The following ACSBG2 variants were observed in gnomAD, a reference collection of about 807,000 sequenced individuals.
ACSBG2 encodes the protein acyl-CoA synthetase bubblegum family member 2.
In ACSBG2, 62 loss-of-function variants were observed where a neutral mutation model predicts 74.7. That is an observed-to-expected ratio of 0.83 (90% CI 0.68 to 1.03). The LOEUF (loss-of-function observed/expected upper bound fraction) is 1.03, where lower values mean the gene tolerates loss of function less well. Among genes scored for constraint, ACSBG2 ranks in the 50% least tolerant of loss-of-function variants. The pLI is 0.00. For synonymous variants in ACSBG2, 309 were observed against 294.1 expected, an observed-to-expected ratio of 1.05 and a Z score of -0.52; for missense variants, 730 against 817.6, an observed-to-expected ratio of 0.89 and a Z score of 1.31.
intron 5 of ACSBG2, among the ~76,000 whole-genome samples, chr19:6,158,086 C>CAA (rs2089483914): frequency 6.7e-6 from 1 of 148,298 alleles, no homozygotes; most frequent in Non-Finnish European, 1.5e-5. Context: ...GACAGAGTCT[C>CAA]GCTCTGTCGC....
intron 8 of ACSBG2, 101 bp from the exon 9 acceptor site, chr19:6,182,650 A>G: frequency 8.6e-7 from 1 of 1,160,094 alleles, no homozygotes; most frequent in Non-Finnish European, 1.2e-6. Context: ...CTGATCAGTG[A>G]AGGAATGTTC....
At chr19:6,191,900 A>C (rs1210840911) in intron 14 of ACSBG2, 1 of 152,038 alleles carries the variant, frequency 6.6e-6, no homozygotes. Flanking sequence ...CAAGATTTCC[A>C]ATTTCACTTT....
intron 7 of ACSBG2, among the ~76,000 whole-genome samples, chr19:6,173,192 C>T (rs902666712): frequency 7.2e-5 from 11 of 152,134 alleles, no homozygotes; most frequent in African/African-American, 1.2e-4. Flanking sequence ...AGGGATCCTG[C>T]GGCCCCCCAG....
intron 6 of ACSBG2, among the ~76,000 whole-genome samples, chr19:6,162,063 C>T (rs1390252652): frequency 6.6e-6 from 1 of 152,016 alleles, no homozygotes; most frequent in Non-Finnish European, 1.5e-5. Context: ...CTCAGGAGAT[C>T]GAGACCATCC....
chr19:6,169,623 T>C (rs558272768), intron 7 of ACSBG2, among the ~76,000 whole-genome samples: 4 of 152,324 alleles, frequency 2.6e-5, no homozygotes, highest in African/African-American at 9.6e-5. Flanking sequence ...TGAAAAATCA[T>C]ATTGGTAATT....
intron 1 of ACSBG2, among the ~76,000 whole-genome samples, chr19:6,136,667 C>A (rs962498856): frequency 6.6e-6 from 1 of 152,134 alleles, no homozygotes; most frequent in Non-Finnish European, 1.5e-5. Flanking sequence ...CTGAACCCTA[C>A]ATGGCCTTTT....
At chr19:6,144,960 G>A (rs2088974384) in intron 2 of ACSBG2, among the ~76,000 whole-genome samples, 1 of 151,914 alleles carries the variant, frequency 6.6e-6, no homozygotes, top group Non-Finnish European at 1.5e-5. Context: ...CCTCCCAAAA[G>A]TGTTGGGATT....
Position 6,161,398 on chromosome 19 carries a change from T to G in ACSBG2, c.588+103T>G, listed in dbSNP as rs930822883. The G allele has an allele frequency of 4.2e-5, 45 of 1,074,616 alleles. No individual in the cohort carries two copies. In the South Asian group the frequency reaches 5.9e-4, roughly 14 times the overall value. 66.6% of individuals were successfully genotyped at this position (1,074,616 alleles called of 1,614,324 possible). On this transcript the variant is annotated intron_variant, in intron 6 of 14. Transcript: ENST00000588485. Reference sequence around the variant, plus strand: ...GTGAGCAGAGGGAGGAGGTCGGACCTGGCAAGGGTGGGAACTCTCAAAGGA... The same window carrying G: ...GTGAGCAGAGGGAGGAGGTCGGACCGGGCAAGGGTGGGAACTCTCAAAGGA...
At position 6,190,639 on chromosome 19, in the gene ACSBG2, TG is replaced by T; in HGVS notation, c.1984del (p.Asp662IlefsTer27). 6.2e-7 allele frequency: 1 copy of T among 1,614,014 alleles called. No individual in the cohort carries two copies. Among genetic ancestry groups the T allele is most frequent in the African/African-American group, 1.3e-5 (1 of 75,030 alleles). On this transcript the variant is annotated frameshift_variant, in exon 14 of 15. Coordinates refer to ENST00000588485, the MANE Select transcript of ACSBG2 (RefSeq NM_030924.5). LOFTEE classifies it high-confidence loss of function. ...TAGCCCAGAAATACAAAAAACAAAT[TG>T]ATCACATGTACCACTGACTGCTTTG... is the stretch of plus-strand genomic sequence containing the variant. ...FVAQKYKKQI[D>X]HMYH
In ACSBG2 at chr19:6,187,757, T is replaced by G; in HGVS notation, c.1839T>G (p.Ala613=). 1 of 1,614,108 alleles carries G rather than the reference T, an allele frequency of 6.2e-7. No individual in the cohort carries two copies. The change falls in exon 13 of 15, where the codon GCT becomes GCG. Residue 613 remains alanine, a synonymous_variant. Coordinates refer to ENST00000588485, the MANE Select transcript of ACSBG2 (RefSeq NM_030924.5). ...VYKAIQQGIN[A]VNQEAMNNAQ... is the part of the protein sequence containing the mutation. ...AGGCCATCCAGCAAGGCATCAATGC[T>G]GTGAACCAGGAAGCCATGAACAATG...
intron 5 of ACSBG2, among the ~76,000 whole-genome samples, chr19:6,160,389 C>CAA (rs1007071793): frequency 2.5e-4 from 15 of 59,684 alleles, no homozygotes; most frequent in South Asian, 5.3e-4. Context: ...GACTCCGTCT[C>CAA]AAAAAAAAAA....
chr19:6,144,793 C>T (rs2088969838), intron 2 of ACSBG2, among the ~76,000 whole-genome samples: 1 of 151,756 alleles, frequency 6.6e-6, no homozygotes, highest in South Asian at 2.1e-4. Context: ...CTCCCGGGTT[C>T]AAGTGATTCT....
intron 7 of ACSBG2, chr19:6,176,510 ACG>A (rs200232059): frequency 7.5e-6 from 5 of 670,426 alleles, no homozygotes; most frequent in African/African-American, 6.0e-5. Context: ...ACACACACAC[ACG>A]CACTCAGCCA....
intron 5 of ACSBG2, 107 bp downstream of exon 5, chr19:6,156,658 A>G: frequency 8.0e-7 from 1 of 1,256,138 alleles, no homozygotes; most frequent in East Asian, 2.8e-5. Flanking sequence ...AGATAGGGCC[A>G]TGCATCTGTT....
intron 3 of ACSBG2, among the ~76,000 whole-genome samples, chr19:6,151,454 T>C (rs1319243534): frequency 1.3e-5 from 2 of 151,986 alleles, no homozygotes; most frequent in Non-Finnish European, 1.5e-5. Context: ...ACGACAAGTG[T>C]GTACCACCAT....
chr19:6,152,996 C>G (rs1161701286), intron 4 of ACSBG2, among the ~76,000 whole-genome samples: 1 of 152,154 alleles, frequency 6.6e-6, no homozygotes, highest in Non-Finnish European at 1.5e-5. Context: ...GTAATCCCAG[C>G]ACTGTGGGAG....
intron 7 of ACSBG2, chr19:6,176,330 C>T: frequency 6.9e-7 from 1 of 1,442,978 alleles, no homozygotes; most frequent in Non-Finnish European, 9.1e-7. Flanking sequence ...TTATGGGTAC[C>T]CAGATGTCCA....
At chr19:6,177,462 T>C in intron 8 of ACSBG2, 66 bp downstream of exon 8, 1 of 1,489,412 alleles carries the variant, frequency 6.7e-7, no homozygotes, top group Non-Finnish European at 8.9e-7. Flanking sequence ...GAGTAGATGG[T>C]TGTTAATCAT....
intron 2 of ACSBG2, among the ~76,000 whole-genome samples, chr19:6,145,616 G>C (rs1419805725): frequency 6.6e-6 from 1 of 152,030 alleles, no homozygotes; most frequent in Admixed American, 6.6e-5. Context: ...GCCCGTTACT[G>C]GGTGGTAGTG....
Sources: allele counts gnomAD v4.1 joint callset (sites outside exome capture counted in the v4.1 genomes callset), GRCh38; gene constraint gnomAD v4.1.1; transcripts MANE v1.5; gene names NCBI Gene and HGNC (gene_info 2026-07-23, HGNC 2026-07-21).